RANBP2: variants seen among roughly 807,000 people sequenced by gnomAD.
RANBP2 encodes the protein E3 SUMO-protein ligase RanBP2.
In RANBP2, 57 loss-of-function variants were observed where a neutral mutation model predicts 303.6. The observed-to-expected ratio is 0.19, with a 90% CI of 0.15 to 0.23. The LOEUF (loss-of-function observed/expected upper bound fraction) is 0.23, where lower values mean the gene tolerates loss of function less well. RANBP2 is among the 10% of genes least tolerant of loss of function. RANBP2 has a pLI of 1.00. For missense variants in RANBP2, 3,138 were observed against 3,780.8 expected, an observed-to-expected ratio of 0.83 and a Z score of 4.46; for synonymous variants, 1,167 against 1,301.5, an observed-to-expected ratio of 0.90 and a Z score of 2.23.
At chr2:109,548,641 C>A in the RANBP2 span, among the ~76,000 whole-genome samples, 7 of 151,802 alleles carry the variant, frequency 4.6e-5, no homozygotes, top group Non-Finnish European at 1.0e-4. Flanking sequence ...CCAGGTGTGG[C>A]AGTGTGCGCC....
the RANBP2 span, chr2:108,847,019 C>T: frequency 1.3e-6 from 1 of 760,976 alleles, no homozygotes; most frequent in African/African-American, 1.8e-5. Flanking sequence ...ATATGTTGTA[C>T]ATTTTCAGAA....
the RANBP2 span, chr2:109,614,172 G>T: frequency 8.9e-5 from 105 of 1,175,578 alleles, 1 homozygote; most frequent in African/African-American, 1.6e-3. Context: ...GGGAACTGCG[G>T]AGCAGTGATT....
the RANBP2 span, among the ~76,000 whole-genome samples, chr2:109,158,338 C>A: frequency 1.3e-5 from 2 of 152,288 alleles, no homozygotes; most frequent in African/African-American, 4.8e-5. Context: ...ACTCCCTCAA[C>A]GCTTAGGTGT....
rs1425444099 is a variant in RANBP2 at position 108,763,411 on chromosome 2, G to A, written c.2872G>A (p.Gly958Ser). The change falls in exon 20 of 29, where the codon GGT becomes AGT. Residue 958 changes from glycine to serine, a missense_variant. By Grantham distance (56) the Gly-to-Ser change is moderately conservative. This residue lies in a region of RANBP2 where 403 missense variants were observed against 376.7 expected (regional missense o/e 1.07). Transcript: ENST00000283195. ...TGCAACGGGAATTCTATCGCCCAGG[G>A]GTGATGATTACTTTAATTACAATGT... ...SPATGILSPR[G>S]DDYFNYNVQQ... The A allele has an allele frequency of 1.2e-6, 2 of 1,613,828 alleles. No individual in the cohort carries two copies. The highest frequency in any genetic ancestry group is 1.1e-5 in the South Asian group (1 of 91,072).
In RANBP2 at chr2:108,766,950, G is replaced by T; in HGVS notation, c.6411G>T (p.Gln2137His). Residue 2137 changes from glutamine to histidine, a missense_variant, in exon 20 of 29, where the codon CAG becomes CAT. Around this residue, in one of 20 missense-constraint regions of RANBP2, gnomAD observed 103 missense variants for 214.3 expected, o/e 0.48. Transcript: ENST00000283195. Reference sequence around the variant, plus strand: ...CAGAGCTGGCTGAAGAATTCAAGCAGAAATTTGAGGAATGCCAGCGGCTTC... The same window carrying T: ...CAGAGCTGGCTGAAGAATTCAAGCATAAATTTGAGGAATGCCAGCGGCTTC... ...KTPELAEEFK[Q>H]KFEECQRLLL... 6.2e-7 allele frequency: 1 copy of T among 1,609,252 alleles called. No homozygotes were observed. The highest frequency in any genetic ancestry group is 8.5e-7 in the Non-Finnish European group (1 of 1,179,832).
the RANBP2 span, among the ~76,000 whole-genome samples, chr2:109,742,564 G>A: frequency 6.7e-6 from 1 of 148,210 alleles, no homozygotes; most frequent in Non-Finnish European, 1.5e-5. Context: ...TCATGAATAG[G>A]AAGATCCAAT....
chr2:109,666,085 T>C, the RANBP2 span, among the ~76,000 whole-genome samples: 2 of 149,480 alleles, frequency 1.3e-5, no homozygotes, highest in African/African-American at 4.9e-5. Context: ...CACTCCAGCC[T>C]GGCAAAAGAG....
the RANBP2 span, among the ~76,000 whole-genome samples, chr2:108,932,008 C>T: frequency 1.9e-3 from 290 of 152,254 alleles, 1 homozygote; most frequent in African/African-American, 6.9e-3. Flanking sequence ...GGAACCCAAA[C>T]TCCCTAAGAC....
the RANBP2 span, among the ~76,000 whole-genome samples, chr2:109,105,349 C>T: frequency 2.0e-5 from 3 of 152,280 alleles, no homozygotes; most frequent in Admixed American, 2.0e-4. Context: ...TACGGCCCTT[C>T]CCAAGTGCTG....
chr2:109,214,885 A>C, the RANBP2 span, among the ~76,000 whole-genome samples: 1 of 152,192 alleles, frequency 6.6e-6, no homozygotes, highest in Non-Finnish European at 1.5e-5. Flanking sequence ...GGGAGATCTG[A>C]GACTTGGAGG....
chr2:109,409,143 C>A, the RANBP2 span, among the ~76,000 whole-genome samples: 1 of 152,204 alleles, frequency 6.6e-6, no homozygotes, highest in Admixed American at 6.5e-5. Context: ...CTGTTTTGAT[C>A]CATTCGCCTT....
the RANBP2 span, among the ~76,000 whole-genome samples, chr2:109,592,182 C>T: frequency 7.3e-5 from 11 of 151,382 alleles, no homozygotes; most frequent in Non-Finnish European, 1.3e-4. Flanking sequence ...AAACAAATAA[C>T]GGCCGGGCGT....
rs560602443 is a variant in RANBP2, at chr2:108,744,928, G to A, written c.976-1783G>A. ...ATATCTCCTGTCTTTAAAAGAAGGA[G>A]GAAAACATTTGAACATTGCATTTAC... On this transcript the variant is annotated intron_variant, in intron 7 of 28. Coordinates refer to ENST00000283195, the MANE Select transcript of RANBP2 (RefSeq NM_006267.5). Among the ~76,000 whole-genome samples, 34 of 152,194 alleles carry A rather than the reference G, an allele frequency of 2.2e-4. No individual in the cohort carries two copies. In the South Asian group the frequency reaches 7.1e-3, roughly 32 times the overall value.
chr2:109,179,003 A>ATGTGTGTGTGTGTGTGTGTGTGTG, the RANBP2 span, among the ~76,000 whole-genome samples: 3 of 142,066 alleles, frequency 2.1e-5, no homozygotes, highest in South Asian at 2.3e-4. Flanking sequence ...AAGTATAATA[A>ATGTGTGTGTGTGTGTGTGTGTGTG]TGTGTGTGTG....
chr2:109,285,230 C>A, the RANBP2 span, among the ~76,000 whole-genome samples: 1 of 152,182 alleles, frequency 6.6e-6, no homozygotes, highest in African/African-American at 2.4e-5. Flanking sequence ...GTTGCCCTGC[C>A]CTGTGCTTGC....
chr2:109,564,508 C>T, the RANBP2 span: 1 of 1,547,340 alleles, frequency 6.5e-7, no homozygotes. Context: ...CGCAGCTTTA[C>T]AAAGTCACAG....
At chr2:109,399,013 T>C in the RANBP2 span, 2 of 1,454,146 alleles carry the variant, frequency 1.4e-6, no homozygotes, top group Non-Finnish European at 1.8e-6. Flanking sequence ...CCGTGTTCAG[T>C]GTCCCCCGTT....
At chr2:109,545,947 G>A in the RANBP2 span, 2 of 1,473,854 alleles carry the variant, frequency 1.4e-6, no homozygotes, top group South Asian at 1.4e-5. Flanking sequence ...GGAGAAGGAA[G>A]ACAAAGCATA....
chr2:108,779,579 C>G (rs1678102142), intron 25 of RANBP2, among the ~76,000 whole-genome samples: 1 of 151,602 alleles, frequency 6.6e-6, no homozygotes, highest in Admixed American at 6.6e-5. Context: ...GACATTTTTT[C>G]TTTTTCATGA....
Sources: gnomAD v4.1 joint callset for allele counts (sites outside exome capture counted in the v4.1 genomes callset) on GRCh38, gnomAD v4.1.1 for gene constraint, gnomAD v4.1.1 regional missense constraint, MANE v1.5 for transcripts, NCBI Gene and HGNC (gene_info 2026-07-23, HGNC 2026-07-21) for gene names.